The following TACC2 variants were observed in gnomAD, a reference collection of about 807,000 sequenced individuals.
The protein encoded by TACC2 is transforming acidic coiled-coil-containing protein 2.
TACC2 carries 137 observed loss-of-function variants against 227.3 expected under a neutral mutation model. That is an observed-to-expected ratio of 0.60 (90% confidence interval 0.52 to 0.69). The LOEUF is 0.69. TACC2 is among the 30% of genes least tolerant of loss of function. TACC2 has a pLI of 0.00. For synonymous variants in TACC2, 1,523 were observed against 1,487.5 expected, an observed-to-expected ratio of 1.02 and a Z score of -0.55; for missense variants, 3,470 against 3,694.4, an observed-to-expected ratio of 0.94 and a Z score of 1.57.
chr10:122,044,663 C>T (rs988987117), intron 2 of TACC2, among the ~76,000 whole-genome samples: 3 of 148,926 alleles, frequency 2.0e-5, no homozygotes, highest in South Asian at 2.1e-4. Flanking sequence ...AGTGATGGAG[C>T]GTTTAAGAGG....
At chr10:122,088,067 G>T in intron 4 of TACC2, 108 bp downstream of exon 4, 1 of 1,226,464 alleles carries the variant, frequency 8.2e-7, no homozygotes, top group Non-Finnish European at 1.1e-6. Context: ...TCTAAAAGCT[G>T]AGTTTTCCAT....
At chr10:122,213,433 T>C in intron 9 of TACC2, 1 of 1,582,896 alleles carries the variant, frequency 6.3e-7, no homozygotes, top group Non-Finnish European at 8.7e-7. Context: ...TTTTTCTGCC[T>C]TTTGTTTCTG....
intron 5 of TACC2, 164 bp downstream of exon 5, chr10:122,088,755 G>C: frequency 1.3e-6 from 2 of 1,532,650 alleles, no homozygotes; most frequent in Non-Finnish European, 1.7e-6. Flanking sequence ...CAGTACCTGG[G>C]ATGACTAAAA....
At chr10:122,149,258 C>G (rs2091769992) in intron 7 of TACC2, among the ~76,000 whole-genome samples, 1 of 152,184 alleles carries the variant, frequency 6.6e-6, no homozygotes, top group African/African-American at 2.4e-5. Context: ...CTCCCTGCTG[C>G]GGACAGCTGT....
intron 9 of TACC2, among the ~76,000 whole-genome samples, chr10:122,213,663 C>A (rs1332573159): frequency 2.6e-5 from 4 of 152,212 alleles, no homozygotes; most frequent in African/African-American, 9.7e-5. Flanking sequence ...TGGATGTCTT[C>A]ATCTGAAATC....
rs142508761 is a variant in TACC2, at chr10:122,086,906, G to C, written c.4406G>C (p.Arg1469Pro). 1 of 1,613,822 alleles carries C rather than the reference G, an allele frequency of 6.2e-7. No homozygotes were observed. The highest frequency in any genetic ancestry group is 1.3e-5 in the African/African-American group (1 of 74,928). ...ACCCTTCTCCCTGCACCTCCTGCTCGACTCCAGGTGGAGAAGAAGCAACAG... is the reference window on the plus strand; with the variant it reads ...ACCCTTCTCCCTGCACCTCCTGCTCCACTCCAGGTGGAGAAGAAGCAACAG... ...DVTLLPAPPA[R>P]LQVEKKQQLA... is the part of the protein sequence containing the mutation. The change falls in exon 4 of 23, where the codon CGA (arginine) becomes CCA (proline). Residue 1469 changes from arginine (R) to proline (P), a missense_variant. Coordinates refer to ENST00000369005, the MANE Select transcript of TACC2 (RefSeq NM_206862.4).
intron 1 of TACC2, among the ~76,000 whole-genome samples, chr10:122,017,480 C>G (rs1304008750): frequency 6.6e-6 from 1 of 151,880 alleles, no homozygotes; most frequent in Non-Finnish European, 1.5e-5. Context: ...TCCCAATTGG[C>G]TCATTCAAGA....
At position 122,107,840 on chromosome 10, in the gene TACC2, T is replaced by G. The variant is rs537505052; in HGVS notation, c.5573+19249T>G. ...TATCCCTCACCCCCCTCCCACCCTT[T>G]CCCCCAAGACCCCAAAGTCCATTAT... On this transcript the variant is annotated intron_variant, in intron 5 of 22. Coordinates refer to ENST00000369005, the MANE Select transcript of TACC2 (RefSeq NM_206862.4). 6.6e-3 allele frequency among the ~76,000 whole-genome samples: 957 copies of G among 145,848 alleles called. 13 individuals carry two copies. Among genetic ancestry groups the G allele is most frequent in the African/African-American group, 0.022 (871 of 40,312 alleles).
chr10:122,061,016 AAAAGGGGGG>A (rs2076739924), intron 3 of TACC2, among the ~76,000 whole-genome samples: 2 of 29,652 alleles, frequency 6.7e-5, no homozygotes, highest in Admixed American at 3.7e-4. Context: ...AAAAAAAAAA[AAAAGGGGGG>A]GGGGCCAGGC....
chr10:122,165,365 G>A (rs2093095535), intron 7 of TACC2, among the ~76,000 whole-genome samples: 1 of 152,200 alleles, frequency 6.6e-6, no homozygotes, highest in South Asian at 2.1e-4. Context: ...CCTATCTAGT[G>A]AAGAGCTTAG....
chr10:122,078,753 G>A (rs1448224407), intron 3 of TACC2, among the ~76,000 whole-genome samples: 1 of 152,258 alleles, frequency 6.6e-6, no homozygotes, highest in East Asian at 1.9e-4. Flanking sequence ...AGGCAGATCT[G>A]CTCCTGGTGA....
chr10:122,071,180 G>C (rs1311631495), intron 3 of TACC2, among the ~76,000 whole-genome samples: 1 of 152,160 alleles, frequency 6.6e-6, no homozygotes, highest in Non-Finnish European at 1.5e-5. Flanking sequence ...ATTAAAAACA[G>C]GTATTTTCTC....
intron 7 of TACC2, among the ~76,000 whole-genome samples, chr10:122,174,598 G>GTTT (rs1344812835): frequency 4.0e-4 from 61 of 151,760 alleles, no homozygotes; most frequent in African/African-American, 1.4e-3. Flanking sequence ...CTATGCTCCT[G>GTTT]TTTTTTTTTA....
intron 3 of TACC2, chr10:122,052,360 A>C (rs933780498): frequency 1.3e-5 from 2 of 152,012 alleles, no homozygotes; most frequent in African/African-American, 4.8e-5. Flanking sequence ...AGCTTTAGTC[A>C]ATTATTATTT....
rs139219040 is a variant in TACC2, at chr10:122,224,193, A to G, written c.7547-533A>G. On this transcript the variant is annotated intron_variant, in intron 11 of 22. Transcript: ENST00000369005. The stretch of plus-strand genomic sequence containing the variant: ...GAAGACACTGGTAGAACCCTGGGAA[A>G]GGCTCCAGGTGACTTACAAAGCTTC... Among the ~76,000 whole-genome samples, 141 of 152,304 alleles carry G rather than the reference A, an allele frequency of 9.3e-4. 1 individual carries two copies. The highest frequency in any genetic ancestry group is 1.5e-3 in the Non-Finnish European group (103 of 68,030).
intron 3 of TACC2, among the ~76,000 whole-genome samples, chr10:122,064,634 C>T (rs1192948171): frequency 6.6e-6 from 1 of 152,158 alleles, no homozygotes. Flanking sequence ...CATTAAAGTT[C>T]AGTTTGTGTT....
intron 2 of TACC2, among the ~76,000 whole-genome samples, chr10:122,047,711 A>G (rs775583552): frequency 8.5e-5 from 13 of 152,198 alleles, no homozygotes; most frequent in Non-Finnish European, 1.9e-4. Flanking sequence ...CAGGAACACA[A>G]ATATCCATCT....
intron 6 of TACC2, among the ~76,000 whole-genome samples, chr10:122,139,219 T>A (rs1374152665): frequency 6.6e-6 from 1 of 152,224 alleles, no homozygotes; most frequent in Non-Finnish European, 1.5e-5. Context: ...TCTGTGAAGG[T>A]AAAGTGGATA....
chr10:122,228,563 C>T (rs1027282593), intron 14 of TACC2, among the ~76,000 whole-genome samples: 8 of 152,290 alleles, frequency 5.3e-5, no homozygotes, highest in South Asian at 2.1e-4. Context: ...GCCCATGCCA[C>T]GGTCTTCCAC....
Sources: gnomAD v4.1 joint callset for allele counts (sites outside exome capture counted in the v4.1 genomes callset) on GRCh38, gnomAD v4.1.1 for gene constraint, MANE v1.5 for transcripts, NCBI Gene and HGNC (gene_info 2026-07-23, HGNC 2026-07-21) for gene names.